The following DIAPH2 variants were observed in gnomAD, a reference collection of about 807,000 sequenced individuals.
DIAPH2 encodes protein diaphanous homolog 2.
DIAPH2 carries 35 observed loss-of-function variants against 92.7 expected under a neutral mutation model. The observed-to-expected ratio is 0.38, with a 90% CI of 0.29 to 0.50. DIAPH2 has a LOEUF of 0.50. DIAPH2 is among the 20% of genes least tolerant of loss of function. DIAPH2 has a pLI of 0.94. For synonymous variants in DIAPH2, 301 were observed against 280.4 expected, an observed-to-expected ratio of 1.07 and a Z score of -0.73; for missense variants, 701 against 819.5, an observed-to-expected ratio of 0.86 and a Z score of 1.77.
At chrX:96,720,230 T>C (rs1338117641) in intron 1 of DIAPH2, among the ~76,000 whole-genome samples, 1 of 112,052 alleles carries the variant, frequency 8.9e-6, no homozygotes, top group Non-Finnish European at 1.9e-5. Flanking sequence ...GGTCATGTGA[T>C]GTATCTTTTC....
In DIAPH2 at chrX:96,792,054, C is replaced by T. The variant is rs915044143; in HGVS notation, c.447+33796C>T. On this transcript the variant is annotated intron_variant, in intron 4 of 26. Coordinates refer to ENST00000324765, the MANE Select transcript of DIAPH2 (RefSeq NM_006729.5). The stretch of plus-strand genomic sequence containing the variant: ...ACAGGGAAACAGGGAAGATTGTAGA[C>T]GTAAGAATATACAAGAAATGCTAAG... Among the ~76,000 whole-genome samples, 4 of 111,275 alleles carry T rather than the reference C, an allele frequency of 3.6e-5. No individual in the cohort carries two copies. In the Admixed American group the frequency reaches 3.8e-4, roughly 11 times the overall value.
At chrX:97,211,378 T>G (rs765962021) in intron 22 of DIAPH2, among the ~76,000 whole-genome samples, 1 of 110,936 alleles carries the variant, frequency 9.0e-6, no homozygotes, top group Admixed American at 9.6e-5. Flanking sequence ...AAAAAACTAA[T>G]AGTATTTGTA....
chrX:97,008,757 C>A (rs1010587560), intron 17 of DIAPH2, among the ~76,000 whole-genome samples: 1 of 111,585 alleles, frequency 9.0e-6, no homozygotes, highest in African/African-American at 3.3e-5. Context: ...TCTTGTTCTT[C>A]TTCCTTACTG....
At chrX:97,015,686 G>C (rs1266617669) in intron 17 of DIAPH2, among the ~76,000 whole-genome samples, 1 of 108,067 alleles carries the variant, frequency 9.3e-6, no homozygotes, top group African/African-American at 3.4e-5. Flanking sequence ...AGCAAATACT[G>C]CCTCAAAATA....
chrX:97,335,320 G>C (rs1282201060), intron 23 of DIAPH2, among the ~76,000 whole-genome samples: 1 of 111,651 alleles, frequency 9.0e-6, no homozygotes, highest in East Asian at 2.8e-4. Context: ...GTGAGGGTTA[G>C]GAACCATGTC....
chrX:96,906,690 G>A (rs889846980), intron 5 of DIAPH2, among the ~76,000 whole-genome samples: 3 of 112,113 alleles, frequency 2.7e-5, no homozygotes, highest in African/African-American at 9.7e-5. Context: ...TATGCATTTA[G>A]CCATGCAGCT....
intron 4 of DIAPH2, among the ~76,000 whole-genome samples, chrX:96,805,238 T>C (rs1275743984): frequency 9.0e-6 from 1 of 110,741 alleles, no homozygotes; most frequent in Non-Finnish European, 1.9e-5. Context: ...CACATATATA[T>C]ACACATACAT....
chrX:96,711,849 G>A (rs2063920311), intron 1 of DIAPH2, among the ~76,000 whole-genome samples: 1 of 110,856 alleles, frequency 9.0e-6, no homozygotes, highest in Non-Finnish European at 1.9e-5. Context: ...CTATTCAAAT[G>A]TCATAATATT....
At chrX:96,907,064 G>A (rs1374954478) in intron 5 of DIAPH2, among the ~76,000 whole-genome samples, 1 of 112,106 alleles carries the variant, frequency 8.9e-6, no homozygotes, top group Non-Finnish European at 1.9e-5. Flanking sequence ...TGTGTAGCAT[G>A]TTAAGACAGT....
At chrX:96,909,831 G>A (rs2065458297) in intron 5 of DIAPH2, among the ~76,000 whole-genome samples, 1 of 110,566 alleles carries the variant, frequency 9.0e-6, no homozygotes, top group Non-Finnish European at 1.9e-5. Context: ...TTGAAACAGG[G>A]GATGTGTGGG....
At chrX:96,814,118 T>C (rs921287155) in intron 4 of DIAPH2, among the ~76,000 whole-genome samples, 5 of 111,911 alleles carry the variant, frequency 4.5e-5, no homozygotes, top group African/African-American at 1.6e-4. Context: ...CTTCAGAGTG[T>C]TTTCCAACTT....
intron 21 of DIAPH2, among the ~76,000 whole-genome samples, chrX:97,125,213 GC>G (rs2067084208): frequency 1.8e-5 from 2 of 110,695 alleles, no homozygotes; most frequent in African/African-American, 6.6e-5. Context: ...GGTGGCTCAC[GC>G]CTGTAATCCC....
At chrX:97,360,992 C>G (rs1373346169) in intron 24 of DIAPH2, among the ~76,000 whole-genome samples, 3 of 109,477 alleles carry the variant, frequency 2.7e-5, no homozygotes, top group Non-Finnish European at 5.7e-5. Flanking sequence ...ACCTCAGCCT[C>G]TTGAGTAGCT....
intron 26 of DIAPH2, among the ~76,000 whole-genome samples, chrX:97,585,582 T>A (rs1448587192): frequency 1.0e-5 from 1 of 97,748 alleles, no homozygotes; most frequent in African/African-American, 3.7e-5. Flanking sequence ...CTTTCCTAAG[T>A]AAAAAAAAAA....
At chrX:97,130,879 C>A (rs370810143) in intron 21 of DIAPH2, among the ~76,000 whole-genome samples, 2 of 110,583 alleles carry the variant, frequency 1.8e-5, no homozygotes, top group South Asian at 3.9e-4. Flanking sequence ...CCGAGGTGGG[C>A]GAATCACTTG....
Position 96,962,414 on chromosome X carries a change from TATAC to T in DIAPH2, c.1936-2677_1936-2674del, listed in dbSNP as rs1185512927. 2.6e-4 allele frequency among the ~76,000 whole-genome samples: 15 copies of T among 58,234 alleles called. 2 individuals carry two copies. Among genetic ancestry groups the T allele is most frequent in the African/African-American group, 6.5e-4 (11 of 16,947 alleles). The allele number at this position is 58,234 out of a possible 115,157, so 50.6% of individuals were successfully genotyped here. ...ATACACATATATATACACATATATA[TATAC>T]ACATATATATACATATATATATACA... is the stretch of plus-strand genomic sequence containing the variant. On this transcript the variant is annotated intron_variant, in intron 16 of 26. Transcript: ENST00000324765.
intron 22 of DIAPH2, among the ~76,000 whole-genome samples, chrX:97,185,403 A>ATG (rs2067582154): frequency 4.8e-5 from 3 of 62,231 alleles, no homozygotes; most frequent in South Asian, 7.6e-4. Context: ...GTGTATATAT[A>ATG]TATATATGTA....
At chrX:97,011,459 G>A (rs929791926) in intron 17 of DIAPH2, among the ~76,000 whole-genome samples, 5 of 112,081 alleles carry the variant, frequency 4.5e-5, no homozygotes, top group African/African-American at 1.6e-4. Flanking sequence ...CAGATGAACC[G>A]ATAAGTTATA....
rs371257926 is a variant in DIAPH2 at position 97,396,308 on chromosome X, T to A, written c.3145+12264T>A. On this transcript the variant is annotated intron_variant, in intron 25 of 26. Coordinates refer to ENST00000324765, the MANE Select transcript of DIAPH2 (RefSeq NM_006729.5). ...AACTGAGTCTCTAATGACTTTTTTT[T>A]AAATTATATTTGGTCCACCCACATT... Among the ~76,000 whole-genome samples the A allele has an allele frequency of 5.7e-4, 63 of 111,459 alleles. 1 individual carries two copies. Among genetic ancestry groups the A allele is most frequent in the Admixed American group, 1.9e-3 (20 of 10,448 alleles).
Sources: allele counts gnomAD v4.1 joint callset (sites outside exome capture counted in the v4.1 genomes callset), GRCh38; gene constraint gnomAD v4.1.1; transcripts MANE v1.5; gene names NCBI Gene and HGNC (gene_info 2026-07-23, HGNC 2026-07-21).